CD200: variants seen among roughly 807,000 people sequenced by gnomAD.
The protein encoded by CD200 is OX-2 membrane glycoprotein.
CD200 carries 15 observed loss-of-function variants against 30.9 expected under a neutral mutation model. That is an observed-to-expected ratio of 0.49 (90% confidence interval 0.32 to 0.75). CD200 has a LOEUF of 0.75. CD200 is among the 30% of genes least tolerant of loss of function. CD200 has a pLI of 0.03. For missense variants in CD200, 262 were observed against 324.2 expected (o/e 0.81, Z 1.47); for synonymous variants, 134 against 126.2 (o/e 1.06, Z -0.41).
chr3:112,342,352 T>C (rs1235551879), intron 2 of CD200, among the ~76,000 whole-genome samples: 222 of 11,096 alleles, frequency 0.02, 5 homozygotes, highest in East Asian at 0.049. Flanking sequence ...TTTCTTTCTT[T>C]CTTTCTTTCT....
chr3:112,336,049 T>G (rs779575570), intron 1 of CD200: 1 of 1,376,818 alleles, frequency 7.3e-7, no homozygotes, highest in East Asian at 2.3e-5. Context: ...TGAAGGGACT[T>G]GGTTAGTAAC....
At chr3:112,360,164 C>T (rs992989437) in intron 5 of CD200, among the ~76,000 whole-genome samples, 4 of 151,944 alleles carry the variant, frequency 2.6e-5, no homozygotes, top group African/African-American at 9.7e-5. Flanking sequence ...CCCATCTCTA[C>T]TGAAAATATG....
intron 4 of CD200, among the ~76,000 whole-genome samples, chr3:112,348,995 T>C (rs1202313433): frequency 1.3e-5 from 2 of 152,186 alleles, no homozygotes; most frequent in African/African-American, 2.4e-5. Context: ...GCTCAAAGCA[T>C]TATGTCAAGC....
rs142960246 is a variant in CD200 at position 112,340,281 on chromosome 3, T to A, written c.13-621T>A. Among the ~76,000 whole-genome samples the A allele has an allele frequency of 8.5e-3, 1,299 of 152,280 alleles. 21 individuals carry two copies. Among genetic ancestry groups the A allele is most frequent in the African/African-American group, 0.03 (1,244 of 41,550 alleles). On this transcript the variant is annotated intron_variant, in intron 1 of 5. Transcript: ENST00000315711. ...GACTTACCATTTTATAGAAGGATGA[T>A]GCCCAGAATAACATTATCTTAAATA...
chr3:112,350,942 C>A (rs894049837), intron 5 of CD200, among the ~76,000 whole-genome samples: 1 of 152,118 alleles, frequency 6.6e-6, no homozygotes, highest in African/African-American at 2.4e-5. Context: ...GTGTCAGTGG[C>A]CCTTTTGCAA....
In CD200 at chr3:112,354,736, A is replaced by C. The variant is rs190533033; in HGVS notation, c.802+4917A>C. On this transcript the variant is annotated intron_variant, in intron 5 of 5. Coordinates refer to ENST00000315711, the MANE Select transcript of CD200 (RefSeq NM_005944.7). ...GTATTATACTACAGTTCTAGAGATC[A>C]GAAGTCCAACATGGGTCTCACTGGG... Among the ~76,000 whole-genome samples the C allele has an allele frequency of 3.6e-3, 552 of 152,360 alleles. 9 individuals carry two copies. Among genetic ancestry groups the C allele is most frequent in the African/African-American group, 0.012 (511 of 41,580 alleles).
At chr3:112,354,808 A>G (rs541264001) in intron 5 of CD200, among the ~76,000 whole-genome samples, 1 of 152,308 alleles carries the variant, frequency 6.6e-6, no homozygotes, top group East Asian at 1.9e-4. Context: ...TGGAGGCTCT[A>G]GGGGAGAATC....
At chr3:112,342,312 T>TC (rs761333870) in intron 2 of CD200, among the ~76,000 whole-genome samples, 5,879 of 24,340 alleles carry the variant, frequency 0.24, 1,641 homozygotes, top group Middle Eastern at 0.36. Context: ...CTTCCTTTCT[T>TC]CTTTCTTTCT....
chr3:112,353,941 T>C (rs1259525547), intron 5 of CD200, among the ~76,000 whole-genome samples: 3 of 152,292 alleles, frequency 2.0e-5, no homozygotes, highest in South Asian at 2.1e-4. Context: ...AGAATCTTCA[T>C]TGAACTGCTT....
At chr3:112,342,365 CTTTCTTTCT>C (rs2081277113) in intron 2 of CD200, among the ~76,000 whole-genome samples, 1 of 26,812 alleles carries the variant, frequency 3.7e-5, no homozygotes, top group African/African-American at 1.3e-4. Flanking sequence ...TTCTTTCTTT[CTTTCTTTCT>C]TTCTTTCTTT....
Position 112,361,759 on chromosome 3 carries a change from T to G in CD200, c.*209T>G. ...AGGAAGTCAGTTTACCTCTCAGGTC[T>G]GTTGTAGGACTTGATTTTGTAAAGC... On this transcript the variant is annotated 3_prime_UTR_variant, in exon 6 of 6. Transcript: ENST00000315711. 1 of 626,748 alleles carries G rather than the reference T, an allele frequency of 1.6e-6. No individual in the cohort carries two copies. The highest frequency in any genetic ancestry group is 2.9e-6 in the Non-Finnish European group (1 of 346,384). 38.8% of individuals were successfully genotyped at this position (626,748 alleles called of 1,614,324 possible).
At chr3:112,349,878 A>G in intron 5 of CD200, 59 bp downstream of exon 5, 1 of 1,522,978 alleles carries the variant, frequency 6.6e-7, no homozygotes, top group Non-Finnish European at 8.8e-7. Context: ...TTTAATGACA[A>G]TTTGTGAGTC....
intron 1 of CD200, among the ~76,000 whole-genome samples, chr3:112,334,626 A>G (rs1412748340): frequency 6.6e-6 from 1 of 152,176 alleles, no homozygotes; most frequent in Non-Finnish European, 1.5e-5. Flanking sequence ...TCAGAGAGGT[A>G]AAATGATTTC....
In CD200 at chr3:112,345,231, C is replaced by T. The variant is rs375873909; in HGVS notation, c.364C>T (p.Leu122Phe). The T allele has an allele frequency of 1.3e-4, 204 of 1,613,976 alleles. No individual in the cohort carries two copies. The highest frequency in any genetic ancestry group is 1.7e-4 in the Non-Finnish European group (200 of 1,179,958). The change falls in exon 3 of 6, where the codon CTC becomes TTC. Residue 122 changes from leucine to phenylalanine, a missense_variant. Coordinates refer to ENST00000315711, the MANE Select transcript of CD200 (RefSeq NM_005944.7). Reference sequence around the variant, plus strand: ...GGAGGATGAAGGGTGTTACATGTGTCTCTTCAATACCTTTGGTTTTGGGAA... The same window carrying T: ...GGAGGATGAAGGGTGTTACATGTGTTTCTTCAATACCTTTGGTTTTGGGAA... ...TLEDEGCYMC[L>F]FNTFGFGKIS...
At chr3:112,335,303 A>G (rs1450985645) in intron 1 of CD200, among the ~76,000 whole-genome samples, 1 of 152,192 alleles carries the variant, frequency 6.6e-6, no homozygotes, top group Non-Finnish European at 1.5e-5. Context: ...AGGCAGCTGA[A>G]CCATCTTGGG....
intron 5 of CD200, among the ~76,000 whole-genome samples, chr3:112,357,344 A>C (rs2081647495): frequency 6.6e-6 from 1 of 151,742 alleles, no homozygotes; most frequent in South Asian, 2.1e-4. Flanking sequence ...GCCTGGGAGG[A>C]GAGGGGCGGA....
chr3:112,352,532 G>A (rs1393141737), intron 5 of CD200, among the ~76,000 whole-genome samples: 3 of 106,842 alleles, frequency 2.8e-5, no homozygotes, highest in African/African-American at 3.9e-5. Context: ...AAAGTGAAGA[G>A]GTGGAACTGA....
chr3:112,359,508 A>G (rs534524745), intron 5 of CD200, among the ~76,000 whole-genome samples: 19 of 152,178 alleles, frequency 1.2e-4, no homozygotes, highest in African/African-American at 4.6e-4. Flanking sequence ...ATTTAAATGG[A>G]TGTTCATGAG....
chr3:112,344,868 T>A (rs180756316), intron 2 of CD200, 94 bp from the exon 3 acceptor site: 2 of 955,712 alleles, frequency 2.1e-6, no homozygotes, highest in South Asian at 1.7e-5. Context: ...TTCTTTTCTA[T>A]ATTTGACATT....
Sources: gnomAD v4.1 joint callset for allele counts (sites outside exome capture counted in the v4.1 genomes callset) on GRCh38, gnomAD v4.1.1 for gene constraint, MANE v1.5 for transcripts, NCBI Gene and HGNC (gene_info 2026-07-23, HGNC 2026-07-21) for gene names.